Variants in XPO1 observed in about 807,000 individuals in gnomAD.
The protein encoded by XPO1 is exportin-1.
A neutral mutation model predicts 133.3 loss-of-function variants in XPO1; 5 were observed. The observed-to-expected ratio is 0.04, with a 90% CI of 0.02 to 0.08. The LOEUF is 0.08. XPO1 is among the 10% of genes least tolerant of loss of function. The pLI is 1.00. For synonymous variants in XPO1, 419 were observed against 408.2 expected (o/e 1.03, Z -0.32); for missense variants, 506 against 1,267.5 (o/e 0.40, Z 9.12).
At position 61,491,971 on chromosome 2, in the gene XPO1, GATAC is replaced by G. The variant is rs1192166026; in HGVS notation, c.1887+60_1887+63del. 3.8e-6 allele frequency: 6 copies of G among 1,565,964 alleles called. No homozygotes were observed. The Admixed American group carries it at 5.4e-5, about 14-fold the overall frequency. ...CAATAGTTGCCCTCCTATTTCCATT[GATAC>G]ATACAGATTGATACAAGTGTTACTT... On this transcript the variant is annotated intron_variant, in intron 16 of 24. Coordinates refer to ENST00000401558, the MANE Select transcript of XPO1 (RefSeq NM_003400.4).
intron 1 of XPO1, 164 bp from the exon 2 acceptor site, chr2:61,534,067 C>G: frequency 3.2e-6 from 2 of 619,548 alleles, no homozygotes; most frequent in Non-Finnish European, 4.8e-6. Flanking sequence ...GTAACAAAAG[C>G]TGAAATTACT....
At chr2:61,537,330 ACCCAGCAAGCGCTC>A (rs1699396478) in intron 1 of XPO1, among the ~76,000 whole-genome samples, 1 of 151,204 alleles carries the variant, frequency 6.6e-6, no homozygotes, top group South Asian at 2.1e-4. Flanking sequence ...CACGCGAATG[ACCCAGCAAGCGCTC>A]CCCTCCCGAG....
chr2:61,507,206 T>G (rs933011999), intron 4 of XPO1, among the ~76,000 whole-genome samples: 7 of 131,026 alleles, frequency 5.3e-5, no homozygotes, highest in Non-Finnish European at 1.1e-4. Context: ...ATTGTGCCAC[T>G]GCACTCCAGC....
At chr2:61,514,412 G>A (rs1016795453) in intron 4 of XPO1, among the ~76,000 whole-genome samples, 5 of 151,142 alleles carry the variant, frequency 3.3e-5, no homozygotes, top group African/African-American at 1.2e-4. Context: ...CCAACATGGT[G>A]AAAGCTCGTC....
intron 10 of XPO1, 31 bp from the exon 11 acceptor site, chr2:61,495,644 C>T: frequency 1.3e-6 from 2 of 1,523,980 alleles, no homozygotes; most frequent in Non-Finnish European, 1.8e-6. Context: ...GATCAGTTCG[C>T]ATTTTATAAA....
chr2:61,483,313 C>T, intron 21 of XPO1: 1 of 472,934 alleles, frequency 2.1e-6, no homozygotes, highest in Non-Finnish European at 3.7e-6. Flanking sequence ...GAGAGCTAAA[C>T]TGTGAAGATG....
intron 4 of XPO1, among the ~76,000 whole-genome samples, chr2:61,515,805 C>T (rs1202686351): frequency 8.6e-5 from 13 of 151,654 alleles, no homozygotes; most frequent in Admixed American, 1.3e-4. Context: ...CCAACCTGGC[C>T]GGGCACGGTG....
chr2:61,528,384 T>A (rs922459639), intron 2 of XPO1, among the ~76,000 whole-genome samples: 4 of 152,004 alleles, frequency 2.6e-5, no homozygotes, highest in African/African-American at 4.8e-5. Context: ...CCTGTAATCC[T>A]GGCACTATGG....
rs1487687425 is a variant in XPO1, at chr2:61,481,123, A to G, written c.3069+62T>C. ...CAAATCAAGTGATAAAAATTCTACA[A>G]TGTAACATAAAAGTGGTCACATCTA... On this transcript the variant is annotated intron_variant, in intron 24 of 24. Coordinates refer to ENST00000401558, the MANE Select transcript of XPO1 (RefSeq NM_003400.4). 5 of 1,045,544 alleles carry G rather than the reference A, an allele frequency of 4.8e-6. No individual in the cohort carries two copies. The Admixed American group carries it at 8.1e-5, about 17-fold the overall frequency. 64.8% of individuals were successfully genotyped at this position (1,045,544 alleles called of 1,614,324 possible). A position where few individuals can be genotyped will look rare whatever the true frequency, so the allele number is the denominator to read the frequency against.
chr2:61,487,057 A>C (rs535909895), intron 19 of XPO1, among the ~76,000 whole-genome samples: 1 of 151,050 alleles, frequency 6.6e-6, no homozygotes, highest in Non-Finnish European at 1.5e-5. Context: ...ATCTTGGCTC[A>C]CTGTCACCTC....
chr2:61,481,384 C>G lies in XPO1; in HGVS notation c.2973-103G>C, dbSNP rs182313041. 6 of 606,554 alleles carry G rather than the reference C, an allele frequency of 9.9e-6. No homozygotes were observed. In the East Asian group the frequency reaches 2.1e-4, roughly 21 times the overall value. 37.6% of individuals were successfully genotyped at this position (606,554 alleles called of 1,614,324 possible). On this transcript the variant is annotated intron_variant, in intron 23 of 24. Coordinates refer to ENST00000401558, the MANE Select transcript of XPO1 (RefSeq NM_003400.4). ...AGTACAGTGGCATGATCTCTGCTCA[C>G]TGTAATCTCTGCCTCCCGGGTTCAA... is the stretch of plus-strand genomic sequence containing the variant.
chr2:61,495,670 T>G, intron 10 of XPO1, 57 bp from the exon 11 acceptor site: 1 of 1,431,702 alleles, frequency 7.0e-7, no homozygotes, highest in Non-Finnish European at 9.3e-7. Flanking sequence ...TAAAGACACT[T>G]AATATTTTAT....
intron 11 of XPO1, 74 bp from the exon 12 acceptor site, chr2:61,494,165 C>T (rs1276962992): frequency 5.3e-6 from 7 of 1,330,172 alleles, no homozygotes; most frequent in South Asian, 1.3e-5. Flanking sequence ...ACTTGTTACA[C>T]CTTAAGGGAA....
At chr2:61,517,460 C>A (rs1698450681) in intron 4 of XPO1, among the ~76,000 whole-genome samples, 1 of 152,160 alleles carries the variant, frequency 6.6e-6, no homozygotes, top group Non-Finnish European at 1.5e-5. Flanking sequence ...TGGCACATGC[C>A]TGTAGTCCTA....
intron 7 of XPO1, 111 bp from the exon 8 acceptor site, chr2:61,499,024 G>A (rs1697375767): frequency 1.6e-6 from 2 of 1,248,676 alleles, no homozygotes; most frequent in African/African-American, 3.0e-5. Flanking sequence ...GCTCATGCCT[G>A]TAATCGCAGA....
At chr2:61,512,468 G>C (rs1415807718) in intron 4 of XPO1, among the ~76,000 whole-genome samples, 1 of 152,140 alleles carries the variant, frequency 6.6e-6, no homozygotes, top group South Asian at 2.1e-4. Flanking sequence ...GCAAAATTGA[G>C]GTGTTTTCTC....
intron 9 of XPO1, among the ~76,000 whole-genome samples, chr2:61,497,291 C>A (rs1697286379): frequency 6.6e-6 from 1 of 152,152 alleles, no homozygotes; most frequent in Non-Finnish European, 1.5e-5. Context: ...CGGCTCACTG[C>A]AACCTCACCT....
chr2:61,536,576 C>T (rs996023485), intron 1 of XPO1: 4 of 152,256 alleles, frequency 2.6e-5, no homozygotes, highest in Non-Finnish European at 5.9e-5. Flanking sequence ...CGAAAGACTG[C>T]TCCTTAGGTT....
intron 4 of XPO1, among the ~76,000 whole-genome samples, chr2:61,507,923 G>A (rs1310436607): frequency 6.6e-6 from 1 of 152,082 alleles, no homozygotes; most frequent in Admixed American, 6.6e-5. Context: ...CCAAAGAAAG[G>A]TTCTCATTGA....
Sources: allele counts gnomAD v4.1 joint callset (sites outside exome capture counted in the v4.1 genomes callset), GRCh38; gene constraint gnomAD v4.1.1; transcripts MANE v1.5; gene names NCBI Gene and HGNC (gene_info 2026-07-23, HGNC 2026-07-21).